COQ7: variants seen among roughly 807,000 people sequenced by gnomAD.
The protein encoded by COQ7 is coenzyme Q7, hydroxylase.
A neutral mutation model predicts 25.0 loss-of-function variants in COQ7; 21 were observed. The observed-to-expected ratio is 0.84, with a 90% CI of 0.60 to 1.21. The LOEUF (loss-of-function observed/expected upper bound fraction) is 1.21, where lower values mean the gene tolerates loss of function less well. COQ7 is among the 50% of genes most tolerant of loss of function. The pLI is 0.00. For missense variants in COQ7, 311 were observed against 296.2 expected (o/e 1.05, Z -0.37); for synonymous variants, 125 against 112.4 (o/e 1.11, Z -0.71).
At position 19,071,899 on chromosome 16, in the gene COQ7, A is replaced by G. The variant is rs4782202; in HGVS notation, c.74-29A>G. ...AGGAACATCTGGATTTTACCTGATC[A>G]TAACGAAGAATAAACACTTGCATTT... is the stretch of plus-strand genomic sequence containing the variant. On this transcript the variant is annotated intron_variant, in intron 1 of 5. Coordinates refer to ENST00000321998, the MANE Select transcript of COQ7 (RefSeq NM_016138.5). The G allele has an allele frequency of 0.96, 1,548,782 of 1,613,012 alleles. 745,233 individuals are homozygous for G. The highest frequency in any genetic ancestry group is 0.97 in the Non-Finnish European group (1,148,625 of 1,179,104).
chr16:19,071,979 A>G lies in COQ7; in HGVS notation c.125A>G (p.Asp42Gly). The G allele has an allele frequency of 6.2e-7, 1 of 1,614,264 alleles. No individual in the cohort carries two copies. The highest frequency in any genetic ancestry group is 8.5e-7 in the Non-Finnish European group (1 of 1,180,050). ...TTTCGCAGTTCAGGAATGACTTTAGACAATATCAGTCGGGCAGCTGTGGAT... is the reference window on the plus strand; with the variant it reads ...TTTCGCAGTTCAGGAATGACTTTAGGCAATATCAGTCGGGCAGCTGTGGAT... ...VRFRSSGMTL[D>G]NISRAAVDRI... Residue 42 changes from aspartate to glycine, a missense_variant, in exon 2 of 6, where the codon GAC becomes GGC. Asp to Gly is a moderately conservative substitution (Grantham distance 94). Coordinates refer to ENST00000321998, the MANE Select transcript of COQ7 (RefSeq NM_016138.5).
chr16:19,072,037 T>A lies in COQ7; in HGVS notation c.183T>A (p.Tyr61Ter), dbSNP rs544539636. The change falls in exon 2 of 6, where the codon TAT (tyrosine) becomes TAA (stop). Residue 61 changes from tyrosine to a stop codon, truncating the protein, a stop_gained. Coordinates refer to ENST00000321998, the MANE Select transcript of COQ7 (RefSeq NM_016138.5). LOFTEE classifies it high-confidence loss of function. The stretch of plus-strand genomic sequence containing the variant: ...TCCGGGTGGATCATGCAGGCGAATA[T>A]GGAGCAAACCGCATCTATGCCGGGC... ...RIIRVDHAGE[Y>*]GANRIYAGQM... The A allele has an allele frequency of 6.2e-7, 1 of 1,614,222 alleles. No homozygotes were observed. The highest frequency in any genetic ancestry group is 8.5e-7 in the Non-Finnish European group (1 of 1,180,032).
At chr16:19,081,733 TATG>T (rs1567544753), downstream of COQ7, among the ~76,000 whole-genome samples, 2 of 152,230 alleles carry the variant, frequency 1.3e-5, no homozygotes, top group African/African-American at 2.4e-5. Context: ...ACAATCCTAT[TATG>T]ATTTGTTTTT....
chr16:19,072,337 A>G (rs1187111484), intron 2 of COQ7: 4 of 545,820 alleles, frequency 7.3e-6, no homozygotes, highest in Non-Finnish European at 1.3e-5. Context: ...TATCTTTGGT[A>G]TCAGTACTCC....
rs1962578929 is a variant in COQ7, at chr16:19,071,965, A to T, written c.111A>T (p.Ser37=). The T allele has an allele frequency of 6.2e-7, 1 of 1,614,272 alleles. No homozygotes were observed. The highest frequency in any genetic ancestry group is 1.6e-4 in the Middle Eastern group (1 of 6,062). The change falls in exon 2 of 6, where the codon TCA becomes TCT. Residue 37 remains serine, a synonymous_variant. Coordinates refer to ENST00000321998, the MANE Select transcript of COQ7 (RefSeq NM_016138.5). ...GRRTSVRFRS[S]GMTLDNISRA... Reference sequence around the variant, plus strand: ...GAACCAGTGTCAGATTTCGCAGTTCAGGAATGACTTTAGACAATATCAGTC... The same window carrying T: ...GAACCAGTGTCAGATTTCGCAGTTCTGGAATGACTTTAGACAATATCAGTC...
chr16:19,074,849 G>C (rs1218372093), intron 3 of COQ7, among the ~76,000 whole-genome samples: 2 of 152,070 alleles, frequency 1.3e-5, no homozygotes, highest in East Asian at 3.9e-4. Flanking sequence ...CTGGCCTAAT[G>C]TCAGTATTAT....
In COQ7 at chr16:19,078,944, T is replaced by C. The variant is rs1360745236; in HGVS notation, c.*786T>C. The C allele has an allele frequency of 1.3e-5, 2 of 152,126 alleles. No homozygotes were observed. The highest frequency in any genetic ancestry group is 2.4e-5 in the African/African-American group (1 of 41,432). The allele number at this position is 152,126 out of a possible 1,614,324, so 9.4% of individuals were successfully genotyped here. On this transcript the variant is annotated 3_prime_UTR_variant, in exon 6 of 6. Coordinates refer to ENST00000321998, the MANE Select transcript of COQ7 (RefSeq NM_016138.5). ...TTCTGTTTTGAATTGTGGGTGATAA[T>C]GGGTGGGAGAGTGCTACAGTCTGTA... is the stretch of plus-strand genomic sequence containing the variant.
chr16:19,068,659 CA>C (rs35036144), intron 1 of COQ7: 79,041 of 179,386 alleles, frequency 0.44, 16,027 homozygotes, highest in East Asian at 0.61. Context: ...CTCCCCCGCG[CA>C]AAAAAAAAAA....
Position 19,078,897 on chromosome 16 carries a change from C to A in COQ7, c.*739C>A, listed in dbSNP as rs937136371. 2 of 152,144 alleles carry A rather than the reference C, an allele frequency of 1.3e-5. No homozygotes were observed. The highest frequency in any genetic ancestry group is 4.8e-5 in the African/African-American group (2 of 41,432). The allele number at this position is 152,144 out of a possible 1,614,324, so 9.4% of individuals were successfully genotyped here. A position where few individuals can be genotyped will look rare whatever the true frequency, so the allele number is the denominator to read the frequency against. On this transcript the variant is annotated 3_prime_UTR_variant, in exon 6 of 6. Transcript: ENST00000321998. ...GGCCAAGCAGAACTATGAAGTCCATCAAGTAAGTCAAAGATCATCGTTTCT... is the reference window on the plus strand; with the variant it reads ...GGCCAAGCAGAACTATGAAGTCCATAAAGTAAGTCAAAGATCATCGTTTCT...
In COQ7 at chr16:19,077,590, CTTT is replaced by C. The variant is rs60523088; in HGVS notation, c.576+228_576+230del. ...TATGCCTTCTCCTTTTCCCCAGAAG[CTTT>C]TTTTTTTTTTTCCCAGACACAGTCT... On this transcript the variant is annotated intron_variant, in intron 5 of 5. Coordinates refer to ENST00000321998, the MANE Select transcript of COQ7 (RefSeq NM_016138.5). 9.4e-5 allele frequency among the ~76,000 whole-genome samples: 7 copies of C among 74,378 alleles called. 1 individual carries two copies. The highest frequency in any genetic ancestry group is 1.6e-4 in the Non-Finnish European group (6 of 38,298). The allele number at this position is 74,378 out of a possible 152,430, so 48.8% of individuals were successfully genotyped here.
rs764456757 is a variant in COQ7 at position 19,072,231 on chromosome 16, G to A, written c.252+125G>A. 3.0e-4 allele frequency: 360 copies of A among 1,189,674 alleles called. 2 individuals are homozygous for A. Among genetic ancestry groups the A allele is most frequent in the Middle Eastern group, 5.9e-4 (2 of 3,408 alleles). The allele number at this position is 1,189,674 out of a possible 1,614,324, so 73.7% of individuals were successfully genotyped here. ...ATGCCATTGTCTCCAGGAGAGCGAA[G>A]GTTGGTTCTTGGTGGAGATGGGGAG... On this transcript the variant is annotated intron_variant, in intron 2 of 5. Transcript: ENST00000321998.
chr16:19,073,326 C>T (rs1962663134), intron 2 of COQ7, among the ~76,000 whole-genome samples: 1 of 43,308 alleles, frequency 2.3e-5, no homozygotes, highest in South Asian at 1.1e-3. Flanking sequence ...CAAAAAAAAC[C>T]GCACACACAC....
rs556091526 is a variant in COQ7 at position 19,078,083 on chromosome 16, T to C, written c.579T>C (p.Ala193=). 6.3e-6 allele frequency: 10 copies of C among 1,597,048 alleles called. No individual in the cohort carries two copies. In the South Asian group the frequency reaches 1.1e-4, roughly 18 times the overall value. ...TGTTTGCTTATTGTTTTTAACAGGC[T>C]CCAGCCTATGCCGTCCTGAAGAGCA... ...DIGLDHDAEL[A]PAYAVLKSII... Residue 193 remains alanine, a splice_region_variant and synonymous_variant, in exon 6 of 6, where the codon GCT becomes GCC. Coordinates refer to ENST00000321998, the MANE Select transcript of COQ7 (RefSeq NM_016138.5).
At chr16:19,069,040 G>T (rs1242261021) in intron 1 of COQ7, among the ~76,000 whole-genome samples, 2 of 152,194 alleles carry the variant, frequency 1.3e-5, no homozygotes, top group East Asian at 1.9e-4. Flanking sequence ...GATTGCAAGA[G>T]ATTTTGAAAG....
At position 19,074,042 on chromosome 16, in the gene COQ7, G is replaced by A. The variant is rs372964750; in HGVS notation, c.367+7G>A. The A allele has an allele frequency of 1.2e-6, 2 of 1,604,874 alleles. No homozygotes were observed. The highest frequency in any genetic ancestry group is 1.7e-6 in the Non-Finnish European group (2 of 1,173,020). ...GTGCTGGGGTTTGCACTGGGTACGT[G>A]TCTCTCTAGAAGAGCTTATGCAAGC... On this transcript the variant is annotated splice_region_variant and intron_variant, in intron 3 of 5. Coordinates refer to ENST00000321998, the MANE Select transcript of COQ7 (RefSeq NM_016138.5).
At chr16:19,068,423 T>C in intron 1 of COQ7, 2 of 984,674 alleles carry the variant, frequency 2.0e-6, no homozygotes, top group Non-Finnish European at 2.4e-6. Context: ...AGGCCGAGGC[T>C]GGAGGATCCC....
Position 19,071,671 on chromosome 16 carries a change from C to A in COQ7, c.74-257C>A, listed in dbSNP as rs1962563935. ...AACCATGCTCATCTAGAAGCGGTTG[C>A]CATGTTAACTGCCTGGTAAGAAGGT... On this transcript the variant is annotated intron_variant, in intron 1 of 5. Transcript: ENST00000321998. 1.0e-5 allele frequency: 5 copies of A among 476,642 alleles called. No individual in the cohort carries two copies. In the Admixed American group the frequency reaches 1.7e-4, roughly 16 times the overall value. 29.5% of individuals were successfully genotyped at this position (476,642 alleles called of 1,614,324 possible).
intron 1 of COQ7, 128 bp downstream of exon 1, chr16:19,067,865 C>G: frequency 6.7e-7 from 1 of 1,500,618 alleles, no homozygotes; most frequent in Non-Finnish European, 8.8e-7. Context: ...CGGAGCGCGA[C>G]TGCGTGACTT....
intron 2 of COQ7, among the ~76,000 whole-genome samples, chr16:19,073,563 C>T (rs1962675898): frequency 1.3e-5 from 2 of 152,166 alleles, no homozygotes; most frequent in African/African-American, 4.8e-5. Flanking sequence ...ACACAACAGC[C>T]AATGTTCTGC....
Sources: gnomAD v4.1 joint callset for allele counts (sites outside exome capture counted in the v4.1 genomes callset) on GRCh38, gnomAD v4.1.1 for gene constraint, MANE v1.5 for transcripts, NCBI Gene and HGNC (gene_info 2026-07-23, HGNC 2026-07-21) for gene names.